HIGD1C: variants seen among roughly 807,000 people sequenced by gnomAD.
HIGD1C encodes the protein HIG1 domain family member 1C.
HIGD1C carries 11 observed loss-of-function variants against 13.1 expected under a neutral mutation model. That is an observed-to-expected ratio of 0.84 (90% CI 0.53 to 1.39). The LOEUF (loss-of-function observed/expected upper bound fraction) is 1.39, where lower values mean the gene tolerates loss of function less well. Ranked by LOEUF, HIGD1C falls within the 40% of genes most tolerant of loss-of-function variation. The pLI, the probability that HIGD1C is intolerant of heterozygous loss-of-function variation, is 0.00. For missense variants in HIGD1C, 110 were observed against 112.0 expected (o/e 0.98, Z 0.08); for synonymous variants, 36 against 37.7 (o/e 0.95, Z 0.17).
chr12:50,963,889 T>C (rs1939442125), intron 2 of HIGD1C, among the ~76,000 whole-genome samples: 1 of 152,226 alleles, frequency 6.6e-6, no homozygotes. Flanking sequence ...GACATCCATA[T>C]ATACCTCTAT....
chr12:50,970,457 T>C (rs1209946688), exon 3 of HIGD1C: 2 of 1,510,014 alleles, frequency 1.3e-6, no homozygotes, highest in Non-Finnish European at 1.8e-6. Context: ...CTCTATTCTA[T>C]GTATAAGGAT....
intron 1 of HIGD1C, among the ~76,000 whole-genome samples, chr12:50,957,937 G>GGAGT (rs1464920302): frequency 7.6e-6 from 1 of 132,408 alleles, no homozygotes; most frequent in Non-Finnish European, 1.6e-5. Flanking sequence ...ATGAATTGGA[G>GGAGT]GTGTGTGTGT....
intron 2 of HIGD1C, 37 bp from the exon 5 acceptor site, chr12:50,970,405 A>C (rs1939718890): frequency 9.6e-7 from 1 of 1,036,344 alleles, no homozygotes; most frequent in Non-Finnish European, 1.5e-6. Context: ...TTTGTTTCCC[A>C]TGGATACTCA....
At chr12:50,959,370 T>C (rs909030807) in intron 1 of HIGD1C, among the ~76,000 whole-genome samples, 4 of 152,300 alleles carry the variant, frequency 2.6e-5, no homozygotes, top group African/African-American at 9.6e-5. Context: ...TCCACCTGCA[T>C]TGGCCTCCCA....
At chr12:50,931,149 T>C in the HIGD1C span, 1 of 149,766 alleles carries the variant, frequency 6.7e-6, no homozygotes, top group Non-Finnish European at 1.5e-5. Context: ...AGAAAGAGAA[T>C]AGCTCTCTGT....
At chr12:50,970,001 C>A (rs1939704803) in intron 2 of HIGD1C, among the ~76,000 whole-genome samples, 1 of 152,120 alleles carries the variant, frequency 6.6e-6, no homozygotes, top group African/African-American at 2.4e-5. Context: ...CCATACATAT[C>A]ATCCGCCTAA....
chr12:50,931,567 C>T, the HIGD1C span: 1 of 150,914 alleles, frequency 6.6e-6, no homozygotes, highest in Non-Finnish European at 1.5e-5. Context: ...AAAAATTAGC[C>T]AGGCGTGGTG....
the HIGD1C span, among the ~76,000 whole-genome samples, chr12:50,944,727 A>C: frequency 6.6e-6 from 1 of 152,128 alleles, no homozygotes; most frequent in South Asian, 2.1e-4. Flanking sequence ...TCTCTACTGA[A>C]AATATAAAAA....
the HIGD1C span, among the ~76,000 whole-genome samples, chr12:50,942,811 C>T: frequency 6.6e-6 from 1 of 151,832 alleles, no homozygotes; most frequent in African/African-American, 2.4e-5. Context: ...CTGCAGTGAG[C>T]CCTGATTGTG....
At chr12:50,939,528 G>T in the HIGD1C span, among the ~76,000 whole-genome samples, 1 of 152,058 alleles carries the variant, frequency 6.6e-6, no homozygotes. Context: ...AATTTAAGCC[G>T]CTCATCTCTG....
chr12:50,960,905 C>T, intron 1 of HIGD1C, 63 bp from the exon 4 acceptor site: 1 of 1,425,738 alleles, frequency 7.0e-7, no homozygotes, highest in Non-Finnish European at 9.4e-7. Flanking sequence ...TTTTCAAACT[C>T]CTGGTCTCAC....
At chr12:50,972,378 C>T (rs1231579524), downstream of HIGD1C, among the ~76,000 whole-genome samples, 6 of 152,188 alleles carry the variant, frequency 3.9e-5, no homozygotes, top group African/African-American at 1.4e-4. Context: ...AGTATCTATG[C>T]ATGAGAACCT....
the HIGD1C span, among the ~76,000 whole-genome samples, chr12:50,936,062 G>A: frequency 6.6e-6 from 1 of 151,768 alleles, no homozygotes; most frequent in Admixed American, 6.6e-5. Flanking sequence ...GGGAGGCTGA[G>A]GCAGGAGAAT....
chr12:50,941,002 G>A, the HIGD1C span, among the ~76,000 whole-genome samples: 1 of 151,662 alleles, frequency 6.6e-6, no homozygotes, highest in Admixed American at 6.6e-5. Context: ...GTGCCACCAT[G>A]CCCGGCTAAT....
At chr12:50,957,183 T>C (rs1045037935) in intron 1 of HIGD1C, among the ~76,000 whole-genome samples, 1 of 151,994 alleles carries the variant, frequency 6.6e-6, no homozygotes, top group African/African-American at 2.4e-5. Flanking sequence ...ATTCCAAACA[T>C]GCTATCCACA....
chr12:50,965,836 C>G (rs908885460), intron 2 of HIGD1C, among the ~76,000 whole-genome samples: 1 of 152,254 alleles, frequency 6.6e-6, no homozygotes, highest in East Asian at 1.9e-4. Context: ...TTTTGTCTGT[C>G]GAACATGGTC....
the HIGD1C span, among the ~76,000 whole-genome samples, chr12:50,947,379 G>A: frequency 1.8e-4 from 27 of 152,244 alleles, no homozygotes; most frequent in African/African-American, 6.3e-4. Context: ...GGCTCTGGGG[G>A]AGAATCTATT....
intron 2 of HIGD1C, among the ~76,000 whole-genome samples, chr12:50,963,736 C>T (rs1467331553): frequency 6.6e-6 from 1 of 152,226 alleles, no homozygotes; most frequent in Non-Finnish European, 1.5e-5. Context: ...ACTGCTGCAT[C>T]ATTTCCACCT....
the HIGD1C span, among the ~76,000 whole-genome samples, chr12:50,938,614 G>A: frequency 6.6e-6 from 1 of 152,136 alleles, no homozygotes; most frequent in African/African-American, 2.4e-5. Flanking sequence ...TACTGTAGCT[G>A]GCATCCTTGT....
Sources: gnomAD v4.1 joint callset for allele counts (sites outside exome capture counted in the v4.1 genomes callset) on GRCh38, gnomAD v4.1.1 for gene constraint, MANE v1.5 for transcripts, NCBI Gene and HGNC (gene_info 2026-07-23, HGNC 2026-07-21) for gene names.